ADAM7: variants seen among roughly 807,000 people sequenced by gnomAD.
The protein encoded by ADAM7 is disintegrin and metalloproteinase domain-containing protein 7.
Under a neutral mutation model 102.9 loss-of-function variants are expected in ADAM7, and 97 were observed. The observed-to-expected ratio is 0.94, with a 90% CI of 0.80 to 1.12. ADAM7 has a LOEUF of 1.12. ADAM7 is among the 50% of genes most tolerant of loss of function. The pLI is 0.00. For synonymous variants in ADAM7, 334 were observed against 304.4 expected (o/e 1.10, Z -1.01); for missense variants, 991 against 908.7 (o/e 1.09, Z -1.16).
At chr8:24,464,390 G>A (rs1409999181) in intron 4 of ADAM7, among the ~76,000 whole-genome samples, 5 of 152,162 alleles carry the variant, frequency 3.3e-5, no homozygotes, top group South Asian at 2.1e-4. Context: ...ACGCACCAAT[G>A]TTGAGGTCTT....
At chr8:24,492,711 G>T in intron 15 of ADAM7, 114 bp downstream of exon 15, 1 of 686,256 alleles carries the variant, frequency 1.5e-6, no homozygotes, top group Non-Finnish European at 2.4e-6. Context: ...GGGAGAAGAG[G>T]GAAATAAGAA....
Position 24,465,755 on chromosome 8 carries a change from C to T in ADAM7, c.369C>T (p.Ile123=), listed in dbSNP as rs751500124. The T allele has an allele frequency of 6.2e-7, 1 of 1,610,402 alleles. No homozygotes were observed. The highest frequency in any genetic ancestry group is 1.1e-5 in the South Asian group (1 of 90,250). The change falls in exon 5 of 22, where the codon ATC becomes ATT. Residue 123 remains isoleucine, a synonymous_variant. Transcript: ENST00000175238. ...IVHEYDSAAS[I]STCNGLRGFF... ...ACGAATATGATTCAGCTGCCAGTAT[C>T]AGTACGTGTAATGGTCTAAGGTAAT...
At chr8:24,478,204 T>G (rs138367386) in intron 8 of ADAM7, among the ~76,000 whole-genome samples, 228 of 152,234 alleles carry the variant, frequency 1.5e-3, no homozygotes, top group African/African-American at 5.2e-3. Flanking sequence ...CAGAATTTAT[T>G]TCATGCAGTT....
At chr8:24,444,193 G>T (rs1303061583) in intron 2 of ADAM7, among the ~76,000 whole-genome samples, 1 of 150,472 alleles carries the variant, frequency 6.6e-6, no homozygotes, top group African/African-American at 2.4e-5. Flanking sequence ...TAACAGCTTT[G>T]TATTATGACA....
Position 24,447,652 on chromosome 8 carries a change from A to G in ADAM7, c.233+390A>G, listed in dbSNP as rs1236910240. ...TCAAATCAAGTTCCATTGCAGAGTA[A>G]ACTAAGAAATGTAGCGCATTTGCTT... On this transcript the variant is annotated intron_variant, in intron 3 of 21. Coordinates refer to ENST00000175238, the MANE Select transcript of ADAM7 (RefSeq NM_003817.4). 2.0e-5 allele frequency among the ~76,000 whole-genome samples: 3 copies of G among 152,304 alleles called. No homozygotes were observed. In the East Asian group the frequency reaches 5.8e-4, roughly 29 times the overall value.
chr8:24,506,079 T>C, intron 20 of ADAM7: 1 of 1,546,832 alleles, frequency 6.5e-7, no homozygotes, highest in Non-Finnish European at 8.7e-7. Context: ...TAATAGTATC[T>C]CTTCTTACTA....
In ADAM7 at chr8:24,501,568, T is replaced by C. The variant is rs1469972317; in HGVS notation, c.2200T>C (p.Phe734Leu). ...RTEPILPEIH[F>L]LNKPASKDSR... ...TGAGCCAATCCTGCCAGAAATTCAT[T>C]TCCTAAATGTAAGAAACTTCCATTT... Residue 734 changes from phenylalanine (F) to leucine (L), a missense_variant, in exon 20 of 22, where the codon TTC becomes CTC. Physicochemically the swap from Phe to Leu is conservative, Grantham distance 22 (BLOSUM62 0). Coordinates refer to ENST00000175238, the MANE Select transcript of ADAM7 (RefSeq NM_003817.4). 1 of 1,586,384 alleles carries C rather than the reference T, an allele frequency of 6.3e-7. No individual in the cohort carries two copies. Among genetic ancestry groups the C allele is most frequent in the Non-Finnish European group, 8.5e-7 (1 of 1,171,866 alleles).
At chr8:24,482,381 C>G in intron 9 of ADAM7, 70 bp downstream of exon 9, 1 of 1,415,586 alleles carries the variant, frequency 7.1e-7, no homozygotes. Context: ...AAAAAATTAA[C>G]AGAAAAAAAA....
intron 7 of ADAM7, chr8:24,475,983 G>A: frequency 2.2e-6 from 1 of 456,138 alleles, no homozygotes; most frequent in South Asian, 1.6e-5. Flanking sequence ...TCCAGCTCCA[G>A]TGGGTTTTTA....
intron 3 of ADAM7, among the ~76,000 whole-genome samples, chr8:24,457,202 G>T (rs1819066015): frequency 6.6e-6 from 1 of 151,968 alleles, no homozygotes. Context: ...AACTTTATGT[G>T]CTTATTTGAT....
At position 24,501,465 on chromosome 8, in the gene ADAM7, CCTT is replaced by C; in HGVS notation, c.2109-8_2109-6del. The C allele has an allele frequency of 6.3e-7, 1 of 1,590,082 alleles. No individual in the cohort carries two copies. ...ATCTAATAAATTAGTTGTTCAATTT[CCTT>C]CTTGACAGCCCACCTACAGAAACCC... On this transcript the variant is annotated splice_polypyrimidine_tract_variant and intron_variant, in intron 19 of 21. Transcript: ENST00000175238.
intron 11 of ADAM7, 25 bp from the exon 12 acceptor site, chr8:24,489,134 T>C (rs922321439): frequency 3.2e-6 from 5 of 1,584,828 alleles, no homozygotes; most frequent in Non-Finnish European, 4.3e-6. Context: ...GATTAATCTT[T>C]ATTTTTACCT....
At chr8:24,454,087 CTCAGGGG>C (rs1390008872) in intron 3 of ADAM7, among the ~76,000 whole-genome samples, 1 of 152,184 alleles carries the variant, frequency 6.6e-6, no homozygotes, top group Non-Finnish European at 1.5e-5. Context: ...AGTTAGGCTG[CTCAGGGG>C]TCAGGGGTCA....
intron 3 of ADAM7, among the ~76,000 whole-genome samples, chr8:24,448,456 A>C (rs1265212350): frequency 6.6e-6 from 1 of 152,192 alleles, no homozygotes; most frequent in Non-Finnish European, 1.5e-5. Context: ...AATAGGCAAC[A>C]CTGCCTCATT....
At chr8:24,502,816 C>T (rs976443761) in intron 20 of ADAM7, among the ~76,000 whole-genome samples, 1 of 152,068 alleles carries the variant, frequency 6.6e-6, no homozygotes, top group Non-Finnish European at 1.5e-5. Context: ...AACACTAATT[C>T]TACATAAACT....
chr8:24,442,643 T>C, intron 2 of ADAM7, 67 bp downstream of exon 2: 1 of 1,269,282 alleles, frequency 7.9e-7, no homozygotes, highest in Non-Finnish European at 1.2e-6. Context: ...TGTCTCTAGC[T>C]CCAACCAGAA....
chr8:24,471,315 C>G (rs1341288942), intron 7 of ADAM7, among the ~76,000 whole-genome samples: 1 of 151,796 alleles, frequency 6.6e-6, no homozygotes, highest in South Asian at 2.1e-4. Context: ...TATAGTGTAG[C>G]CAAGTATAGA....
At chr8:24,482,102 G>C in intron 8 of ADAM7, 40 bp from the exon 9 acceptor site, 2 of 1,455,500 alleles carry the variant, frequency 1.4e-6, no homozygotes, top group Non-Finnish European at 1.9e-6. Context: ...ACTGTTTCCA[G>C]CAACTTGACT....
intron 13 of ADAM7, 85 bp downstream of exon 13, chr8:24,490,973 C>A: frequency 1.5e-6 from 2 of 1,321,510 alleles, no homozygotes; most frequent in Non-Finnish European, 2.1e-6. Flanking sequence ...CTGGACAGCC[C>A]TGCACCACTG....
Sources: gnomAD v4.1 joint callset for allele counts (sites outside exome capture counted in the v4.1 genomes callset) on GRCh38, gnomAD v4.1.1 for gene constraint, MANE v1.5 for transcripts, NCBI Gene and HGNC (gene_info 2026-07-23, HGNC 2026-07-21) for gene names.